Variants in CCDC7 observed in about 807,000 individuals in gnomAD.
CCDC7 encodes coiled-coil domain-containing protein 7.
CCDC7 carries 183 observed loss-of-function variants against 196.9 expected under a neutral mutation model. The ratio of observed to expected loss-of-function variants is 0.93; its 90% CI spans 0.82 to 1.05. CCDC7 has a LOEUF of 1.05. Ranked by LOEUF, CCDC7 falls within the 50% of genes least tolerant of loss-of-function variation. CCDC7 has a pLI of 0.00. For missense variants in CCDC7, 1,540 were observed against 1,482.2 expected (o/e 1.04, Z -0.64); for synonymous variants, 525 against 484.6 (o/e 1.08, Z -1.10).
At chr10:32,831,454 A>G (rs1216110656) in intron 32 of CCDC7, among the ~76,000 whole-genome samples, 1 of 152,206 alleles carries the variant, frequency 6.6e-6, no homozygotes, top group Non-Finnish European at 1.5e-5. Flanking sequence ...AGCTTACTGT[A>G]ACTTTTTAAC....
chr10:32,793,591 C>T (rs917672995), intron 29 of CCDC7, among the ~76,000 whole-genome samples: 7 of 152,136 alleles, frequency 4.6e-5, no homozygotes, highest in Admixed American at 2.0e-4. Context: ...TTTGCTGTAT[C>T]CCATACATTT....
At chr10:32,469,272 C>G (rs563965445) in intron 5 of CCDC7, among the ~76,000 whole-genome samples, 5 of 152,252 alleles carry the variant, frequency 3.3e-5, no homozygotes, top group African/African-American at 1.2e-4. Flanking sequence ...GATAGACATT[C>G]TACTAAAGGA....
intron 20 of CCDC7, among the ~76,000 whole-genome samples, chr10:32,635,469 C>CTAA (rs1428415836): frequency 6.6e-6 from 1 of 152,022 alleles, no homozygotes. Context: ...ATGAAGGGAC[C>CTAA]TGCTTTATCA....
At position 32,749,938 on chromosome 10, in the gene CCDC7, C is replaced by T. The variant is rs531441613; in HGVS notation, c.2905+20481C>T. Among the ~76,000 whole-genome samples the T allele has an allele frequency of 2.6e-5, 4 of 152,242 alleles. No homozygotes were observed. The South Asian group carries it at 8.3e-4, about 32-fold the overall frequency. On this transcript the variant is annotated intron_variant, in intron 28 of 41. Transcript: ENST00000639629. ...GTGTATCTCTCACAATTTCCTCCAT[C>T]CTCACAGTGGCAATAGTTATATTGA...
intron 14 of CCDC7, 74 bp from the exon 16 acceptor site, chr10:32,567,596 G>C: frequency 6.8e-7 from 1 of 1,462,240 alleles, no homozygotes; most frequent in Non-Finnish European, 9.1e-7. Flanking sequence ...AATATATGTA[G>C]ATTCCTGAAT....
intron 41 of CCDC7, among the ~76,000 whole-genome samples, chr10:32,862,790 T>C (rs1299059039): frequency 5.9e-5 from 9 of 152,048 alleles, no homozygotes; most frequent in Non-Finnish European, 1.2e-4. Context: ...CCCTAAAGAC[T>C]ACATTACTTA....
intron 3 of CCDC7, among the ~76,000 whole-genome samples, chr10:32,460,560 C>G (rs1427742629): frequency 6.6e-6 from 1 of 152,104 alleles, no homozygotes; most frequent in African/African-American, 2.4e-5. Context: ...TTTTGAGAAC[C>G]CCGGAATCTT....
chr10:32,493,350 G>T (rs993344657), intron 9 of CCDC7, among the ~76,000 whole-genome samples: 1 of 150,262 alleles, frequency 6.7e-6, no homozygotes, highest in African/African-American at 2.4e-5. Flanking sequence ...TCTTTTTAAG[G>T]CTGGATAATA....
chr10:32,512,873 A>G (rs1054811498), intron 9 of CCDC7: 2 of 152,230 alleles, frequency 1.3e-5, no homozygotes, highest in Non-Finnish European at 2.9e-5. Context: ...CAGGGAAGAT[A>G]TAAGACAAAG....
At chr10:32,449,475 T>C (rs537931828), upstream of CCDC7, among the ~76,000 whole-genome samples, 1 of 152,288 alleles carries the variant, frequency 6.6e-6, no homozygotes, top group East Asian at 1.9e-4. Flanking sequence ...CGTGAGCCAA[T>C]GCGCCTGGCC....
intron 40 of CCDC7, among the ~76,000 whole-genome samples, chr10:32,852,543 C>A (rs1270437471): frequency 1.3e-5 from 2 of 152,064 alleles, no homozygotes; most frequent in African/African-American, 4.8e-5. Context: ...AGTGCAGTGG[C>A]ATGATCTTGG....
chr10:32,874,959 T>G (rs1206941801), intron 41 of CCDC7, among the ~76,000 whole-genome samples: 1 of 151,908 alleles, frequency 6.6e-6, no homozygotes, highest in Non-Finnish European at 1.5e-5. Flanking sequence ...TCATCTTGAG[T>G]CAATTTTTGT....
chr10:32,747,013 G>T (rs767893614), intron 28 of CCDC7, among the ~76,000 whole-genome samples: 1 of 152,158 alleles, frequency 6.6e-6, no homozygotes, highest in Non-Finnish European at 1.5e-5. Context: ...CGGGGACCCT[G>T]CTGTCACCAC....
At chr10:32,454,940 C>G (rs2033981211) in intron 2 of CCDC7, among the ~76,000 whole-genome samples, 2 of 152,156 alleles carry the variant, frequency 1.3e-5, no homozygotes, top group African/African-American at 2.4e-5. Flanking sequence ...CCTCCTTGTG[C>G]CCTTACTTAC....
In CCDC7 at chr10:32,664,168, G is replaced by GAT. The variant is rs1565029030; in HGVS notation, c.2122+7_2122+8insAT. The GAT allele has an allele frequency of 2.5e-6, 1 of 394,880 alleles. No homozygotes were observed. The highest frequency in any genetic ancestry group is 4.5e-6 in the Non-Finnish European group (1 of 223,334). The allele number at this position is 394,880 out of a possible 1,614,324, so 24.5% of individuals were successfully genotyped here. A position where few individuals can be genotyped will look rare whatever the true frequency, so the allele number is the denominator to read the frequency against. ...CAAGATAATCAACTCAGTAGTAAGT[G>GAT]TAATAATTGTAGATAACCTTAAAAT... On this transcript the variant is annotated splice_region_variant and intron_variant, in intron 21 of 41. Coordinates refer to ENST00000639629, the Ensembl canonical transcript of CCDC7.
chr10:32,770,290 T>G (rs964171744), intron 28 of CCDC7, among the ~76,000 whole-genome samples: 1 of 152,194 alleles, frequency 6.6e-6, no homozygotes, highest in Non-Finnish European at 1.5e-5. Context: ...TTTGCTGTAT[T>G]CAAGAGGTTT....
intron 8 of CCDC7, among the ~76,000 whole-genome samples, chr10:32,484,623 G>C (rs1204793653): frequency 6.6e-6 from 1 of 152,092 alleles, no homozygotes; most frequent in Non-Finnish European, 1.5e-5. Context: ...GTATGATATT[G>C]GCCGTGGGTT....
intron 9 of CCDC7, 97 bp from the exon 11 acceptor site, chr10:32,517,848 C>T: frequency 7.2e-7 from 1 of 1,389,200 alleles, no homozygotes; most frequent in Admixed American, 2.1e-5. Flanking sequence ...CAACTAATTA[C>T]TGAATACCAA....
chr10:32,462,476 C>G (rs1166193703), intron 3 of CCDC7, among the ~76,000 whole-genome samples: 5 of 151,968 alleles, frequency 3.3e-5, no homozygotes, highest in African/African-American at 1.2e-4. Context: ...TTTTTAAATT[C>G]TAGAAAGAAG....
Sources: allele counts gnomAD v4.1 joint callset (sites outside exome capture counted in the v4.1 genomes callset), GRCh38; gene constraint gnomAD v4.1.1; transcripts MANE v1.5; gene names NCBI Gene and HGNC (gene_info 2026-07-23, HGNC 2026-07-21).